The following GRM8 variants were observed in gnomAD, a reference collection of about 807,000 sequenced individuals.
GRM8 encodes glutamate metabotropic receptor 8, also known as metabotropic glutamate receptor 8.
A neutral mutation model predicts 87.2 loss-of-function variants in GRM8; 47 were observed. The ratio of observed to expected loss-of-function variants is 0.54; its 90% confidence interval spans 0.43 to 0.69. The LOEUF (loss-of-function observed/expected upper bound fraction) is 0.69, where lower values mean the gene tolerates loss of function less well. GRM8 is among the 30% of genes least tolerant of loss of function. The probability of loss-of-function intolerance (pLI) is 0.00; values close to 1 mark genes in which losing one functional copy is unlikely to be tolerated. For synonymous variants in GRM8, 396 were observed against 404.5 expected, an observed-to-expected ratio of 0.98 and a Z score of 0.25; for missense variants, 1,019 against 1,139.2, an observed-to-expected ratio of 0.89 and a Z score of 1.52.
chr7:126,633,293 A>C (rs567787718), intron 7 of GRM8, among the ~76,000 whole-genome samples: 1 of 152,222 alleles, frequency 6.6e-6, no homozygotes, highest in African/African-American at 2.4e-5. Flanking sequence ...AAAACAAATT[A>C]CAGTTCACCA....
chr7:127,074,111 A>G (rs1012897031), intron 3 of GRM8, among the ~76,000 whole-genome samples: 1 of 152,254 alleles, frequency 6.6e-6, no homozygotes, highest in Non-Finnish European at 1.5e-5. Context: ...TGATAAGCCC[A>G]GATGGCAATA....
intron 6 of GRM8, among the ~76,000 whole-genome samples, chr7:126,802,387 C>A (rs1585997525): frequency 1.3e-5 from 2 of 152,260 alleles, no homozygotes. Flanking sequence ...CTTCTATGAA[C>A]TCAACTTTTT....
rs539385580 is a variant in GRM8 at position 126,892,868 on chromosome 7, T to C, written c.1156+9674A>G. Among the ~76,000 whole-genome samples, 176 of 152,276 alleles carry C rather than the reference T, an allele frequency of 1.2e-3. 1 individual carries two copies. Among genetic ancestry groups the C allele is most frequent in the African/African-American group, 4.2e-3 (173 of 41,574 alleles). On this transcript the variant is annotated intron_variant, in intron 6 of 10. Coordinates refer to ENST00000339582, the MANE Select transcript of GRM8 (RefSeq NM_000845.3). ...ATGTTATCTCATTGTGGTTTTGATT[T>C]GCATTTCTCTGATGGCCAGTGATGG...
intron 8 of GRM8, among the ~76,000 whole-genome samples, chr7:126,549,311 A>G (rs1792305904): frequency 6.6e-6 from 1 of 152,214 alleles, no homozygotes; most frequent in African/African-American, 2.4e-5. Context: ...GAAAGTCAAA[A>G]TCAATGGAAA....
chr7:127,222,364 C>T (rs777115291), intron 2 of GRM8, among the ~76,000 whole-genome samples: 4 of 152,270 alleles, frequency 2.6e-5, no homozygotes, highest in South Asian at 2.1e-4. Context: ...GCTGAGATCA[C>T]GTTACTGCAC....
chr7:126,998,680 C>A (rs767049038), intron 3 of GRM8, among the ~76,000 whole-genome samples: 1 of 150,506 alleles, frequency 6.6e-6, no homozygotes, highest in African/African-American at 2.4e-5. Context: ...ACAAATAAAA[C>A]GAAATACAAA....
intron 2 of GRM8, chr7:127,219,321 A>G (rs988258462): frequency 6.6e-6 from 1 of 152,248 alleles, no homozygotes; most frequent in Non-Finnish European, 1.5e-5. Flanking sequence ...TATAGTAAAG[A>G]ACTTTTGTCT....
At chr7:126,684,793 A>G (rs1324775427) in intron 7 of GRM8, among the ~76,000 whole-genome samples, 2 of 152,112 alleles carry the variant, frequency 1.3e-5, no homozygotes, top group African/African-American at 4.8e-5. Flanking sequence ...TGTTCTGTGT[A>G]TTTTGTTTGT....
chr7:127,119,555 G>A (rs1275291316), intron 2 of GRM8, among the ~76,000 whole-genome samples: 2 of 151,446 alleles, frequency 1.3e-5, no homozygotes, highest in East Asian at 3.9e-4. Flanking sequence ...AAAGAAAAAA[G>A]AAAAGAAAAG....
chr7:126,878,814 A>T (rs1439410120), intron 6 of GRM8, among the ~76,000 whole-genome samples: 2 of 150,382 alleles, frequency 1.3e-5, no homozygotes, highest in Non-Finnish European at 3.0e-5. Flanking sequence ...GGCATGAGCC[A>T]CTGCACCCAG....
In GRM8 at chr7:126,827,538, T is replaced by C. The variant is rs1460334256; in HGVS notation, c.1157-57473A>G. On this transcript the variant is annotated intron_variant, in intron 6 of 10. Coordinates refer to ENST00000339582, the MANE Select transcript of GRM8 (RefSeq NM_000845.3). Reference sequence around the variant, plus strand: ...TTGGTCTGTTATTGGTGTATAAGAATGCTTGTGATTTTTGTACTTTGATTT... The same window carrying C: ...TTGGTCTGTTATTGGTGTATAAGAACGCTTGTGATTTTTGTACTTTGATTT... 4.6e-5 allele frequency among the ~76,000 whole-genome samples: 7 copies of C among 152,216 alleles called. No homozygotes were observed. The East Asian group carries it at 1.3e-3, about 29-fold the overall frequency.
At chr7:127,023,116 G>A (rs374650819) in intron 3 of GRM8, among the ~76,000 whole-genome samples, 12 of 152,024 alleles carry the variant, frequency 7.9e-5, no homozygotes, top group East Asian at 3.9e-4. Context: ...TTATGTTTTC[G>A]GTAGTACTTT....
intron 2 of GRM8, among the ~76,000 whole-genome samples, chr7:127,216,186 C>G (rs1796514959): frequency 6.6e-6 from 1 of 152,114 alleles, no homozygotes; most frequent in Non-Finnish European, 1.5e-5. Context: ...GCCTTAAGTG[C>G]AAATTGATCA....
chr7:126,828,714 T>A (rs1434305663), intron 6 of GRM8, among the ~76,000 whole-genome samples: 1 of 152,232 alleles, frequency 6.6e-6, no homozygotes, highest in African/African-American at 2.4e-5. Flanking sequence ...AGTTCTGCTC[T>A]GATTTCAGTT....
intron 7 of GRM8, among the ~76,000 whole-genome samples, chr7:126,703,904 T>A (rs1810210815): frequency 6.6e-6 from 1 of 152,118 alleles, no homozygotes; most frequent in South Asian, 2.1e-4. Flanking sequence ...CCAAAGCCTA[T>A]CAGACATTCC....
intron 9 of GRM8, among the ~76,000 whole-genome samples, chr7:126,516,458 T>C (rs1258515678): frequency 6.6e-6 from 1 of 152,062 alleles, no homozygotes; most frequent in African/African-American, 2.4e-5. Context: ...TGGTTTCAAA[T>C]AGAAGCAGAA....
At chr7:126,615,554 G>A (rs1165104705) in intron 7 of GRM8, among the ~76,000 whole-genome samples, 3 of 152,140 alleles carry the variant, frequency 2.0e-5, no homozygotes, top group African/African-American at 7.2e-5. Context: ...TGGGCTAAAT[G>A]CTCCAATTAA....
chr7:126,786,647 T>G (rs1331538323), intron 6 of GRM8, among the ~76,000 whole-genome samples: 1 of 152,210 alleles, frequency 6.6e-6, no homozygotes, highest in Non-Finnish European at 1.5e-5. Flanking sequence ...GGCCACCTCA[T>G]GGCATCCCCT....
intron 2 of GRM8, among the ~76,000 whole-genome samples, chr7:127,151,163 C>T (rs769028038): frequency 6.6e-6 from 1 of 152,002 alleles, no homozygotes; most frequent in Non-Finnish European, 1.5e-5. Flanking sequence ...GCACTGGAGA[C>T]TCTATACTCC....
Sources: allele counts gnomAD v4.1 joint callset (sites outside exome capture counted in the v4.1 genomes callset), GRCh38; gene constraint gnomAD v4.1.1; transcripts MANE v1.5; gene names NCBI Gene and HGNC (gene_info 2026-07-23, HGNC 2026-07-21).